The following KLHL8 variants were observed in gnomAD, a reference collection of about 807,000 sequenced individuals.
KLHL8 encodes the protein kelch-like protein 8.
KLHL8 carries 38 observed loss-of-function variants against 63.5 expected under a neutral mutation model. The observed-to-expected ratio is 0.60, with a 90% CI of 0.46 to 0.78. KLHL8 has a LOEUF of 0.78. Ranked by LOEUF, KLHL8 falls within the 30% of genes least tolerant of loss-of-function variation. The pLI is 0.00. For synonymous variants in KLHL8, 224 were observed against 254.3 expected, an observed-to-expected ratio of 0.88 and a Z score of 1.13; for missense variants, 566 against 752.4, an observed-to-expected ratio of 0.75 and a Z score of 2.90.
Position 87,195,581 on chromosome 4 carries a change from G to A in KLHL8, c.-42C>T. 1.3e-6 allele frequency: 2 copies of A among 1,524,560 alleles called. No individual in the cohort carries two copies. Among genetic ancestry groups the A allele is most frequent in the Non-Finnish European group, 1.8e-6 (2 of 1,107,178 alleles). The allele number at this position is 1,524,560 out of a possible 1,614,324, so 94.4% of individuals were successfully genotyped here. On this transcript the variant is annotated 5_prime_UTR_variant, in exon 2 of 10. Coordinates refer to ENST00000273963, the MANE Select transcript of KLHL8 (RefSeq NM_020803.5). ...TTAATAGAGCTCTCTTCTCAAACATGCCATTTATTTTTTTTCAAAGGGTAG... is the reference window on the plus strand; with the variant it reads ...TTAATAGAGCTCTCTTCTCAAACATACCATTTATTTTTTTTCAAAGGGTAG...
At chr4:87,236,726 A>T (rs143206487) in intron 1 of KLHL8, among the ~76,000 whole-genome samples, 2,429 of 141,712 alleles carry the variant, frequency 0.017, 71 homozygotes, top group African/African-American at 0.063. Flanking sequence ...GTGCAGTGAC[A>T]CAATCTCAGC....
chr4:87,204,153 G>A (rs935141469), intron 1 of KLHL8, among the ~76,000 whole-genome samples: 1 of 152,238 alleles, frequency 6.6e-6, no homozygotes, highest in Non-Finnish European at 1.5e-5. Context: ...CGAAGCTGTA[G>A]TGCACTATCA....
chr4:87,197,591 C>G (rs906050640), intron 1 of KLHL8, among the ~76,000 whole-genome samples: 1 of 152,122 alleles, frequency 6.6e-6, no homozygotes, highest in Non-Finnish European at 1.5e-5. Flanking sequence ...TCCTGATGCA[C>G]GGAAACTGTG....
rs1730229316 is a variant in KLHL8 at position 87,162,940 on chromosome 4, C to G, written c.*579G>C. The G allele has an allele frequency of 6.6e-6, 1 of 151,924 alleles. No individual in the cohort carries two copies. The allele number at this position is 151,924 out of a possible 1,614,324, so 9.4% of individuals were successfully genotyped here. ...AGCCTATAAGCTTCTGAAAATGCAG[C>G]TAAGTGGCATTCAAAAAGACAGAAC... On this transcript the variant is annotated 3_prime_UTR_variant, in exon 10 of 10. Transcript: ENST00000273963.
At chr4:87,236,063 C>G (rs1462505612) in intron 1 of KLHL8, among the ~76,000 whole-genome samples, 1 of 151,628 alleles carries the variant, frequency 6.6e-6, no homozygotes, top group African/African-American at 2.4e-5. Context: ...TGAAATGGCT[C>G]TTTCTTAAAG....
At chr4:87,209,318 T>C (rs774189903) in intron 1 of KLHL8, among the ~76,000 whole-genome samples, 4 of 152,148 alleles carry the variant, frequency 2.6e-5, no homozygotes, top group African/African-American at 9.7e-5. Context: ...TGGCACATCA[T>C]TGTCATAACA....
intron 2 of KLHL8, among the ~76,000 whole-genome samples, chr4:87,192,084 G>A (rs1731516945): frequency 6.6e-6 from 1 of 152,144 alleles, no homozygotes; most frequent in Non-Finnish European, 1.5e-5. Flanking sequence ...GCGGGTATAT[G>A]TGTCTTTTTG....
chr4:87,226,939 A>AAT (rs1257403846), intron 1 of KLHL8, among the ~76,000 whole-genome samples: 10 of 46,932 alleles, frequency 2.1e-4, no homozygotes, highest in Non-Finnish European at 3.2e-4. Context: ...ATATATAAAT[A>AAT]ATATATATTA....
At chr4:87,219,318 G>A (rs987828375) in intron 1 of KLHL8, among the ~76,000 whole-genome samples, 3 of 152,262 alleles carry the variant, frequency 2.0e-5, no homozygotes, top group East Asian at 3.9e-4. Flanking sequence ...TGCGCGAAGA[G>A]GATTTCCTTC....
In KLHL8 at chr4:87,226,839, TATATATATTATATATAAATA is replaced by T. The variant is rs1331144895; in HGVS notation, n.58-5469_58-5450del. Among the ~76,000 whole-genome samples, 47 of 6,146 alleles carry T rather than the reference TATATATATTATATATAAATA, an allele frequency of 7.6e-3. 1 individual carries two copies. The highest frequency in any genetic ancestry group is 0.025 in the African/African-American group (34 of 1,352). 4.0% of individuals were successfully genotyped at this position (6,146 alleles called of 152,430 possible). A position where few individuals can be genotyped will look rare whatever the true frequency, so the allele number is the denominator to read the frequency against. On this transcript the variant is annotated intron_variant and non_coding_transcript_variant, in intron 1 of 1. Coordinates refer to the KLHL8 transcript ENST00000506274. ...TATAATATATATTATTTATAAATAA[TATATATATTATATATAAATA>T]ATATATATTATATATAAATAATATA... is the stretch of plus-strand genomic sequence containing the variant.
intron 4 of KLHL8, among the ~76,000 whole-genome samples, chr4:87,182,964 G>A (rs936306640): frequency 1.3e-5 from 2 of 152,130 alleles, no homozygotes; most frequent in Non-Finnish European, 2.9e-5. Context: ...CAAAAGAAGA[G>A]ATATTTCAGT....
intron 1 of KLHL8, among the ~76,000 whole-genome samples, chr4:87,205,148 T>C (rs1031659896): frequency 1.3e-5 from 2 of 152,224 alleles, no homozygotes; most frequent in African/African-American, 2.4e-5. Flanking sequence ...GGCACATGCC[T>C]GTAATCTCAG....
chr4:87,172,929 A>C (rs1730688191), intron 6 of KLHL8, among the ~76,000 whole-genome samples: 1 of 152,224 alleles, frequency 6.6e-6, no homozygotes, highest in Admixed American at 6.5e-5. Context: ...TATATTTACT[A>C]TACATGCATA....
At chr4:87,215,970 T>C (rs1296240082) in intron 1 of KLHL8, among the ~76,000 whole-genome samples, 1 of 152,242 alleles carries the variant, frequency 6.6e-6, no homozygotes. Flanking sequence ...CATCATCTAG[T>C]TTGAAAGATT....
At chr4:87,169,989 A>G in intron 8 of KLHL8, 90 bp downstream of exon 8, 1 of 1,014,562 alleles carries the variant, frequency 9.9e-7, no homozygotes, top group Non-Finnish European at 1.5e-6. Flanking sequence ...ATTCTACTTA[A>G]GGCTAAATGC....
At chr4:87,240,503 T>C (rs867692222), upstream of KLHL8, among the ~76,000 whole-genome samples, 1 of 152,172 alleles carries the variant, frequency 6.6e-6, no homozygotes, top group African/African-American at 2.4e-5. Flanking sequence ...TATCTTTTTG[T>C]TTACTCTGCT....
chr4:87,178,596 C>CG lies in KLHL8; in HGVS notation c.976dup (p.Arg326ProfsTer6), dbSNP rs1560695768. 3 of 1,602,572 alleles carry CG rather than the reference C, an allele frequency of 1.9e-6. No homozygotes were observed. The highest frequency in any genetic ancestry group is 2.5e-6 in the Non-Finnish European group (3 of 1,176,902). The stretch of plus-strand genomic sequence containing the variant: ...GCGAAAGGGGTCACCAGATCCACCT[C>CG]GACCACCTACACAAAACAGCACACC... On this transcript the variant is annotated frameshift_variant, in exon 5 of 10. Coordinates refer to ENST00000273963, the MANE Select transcript of KLHL8 (RefSeq NM_020803.5). LOFTEE classifies it high-confidence loss of function.
intron 3 of KLHL8, 112 bp from the exon 4 acceptor site, chr4:87,183,501 C>G: frequency 1.3e-6 from 1 of 764,650 alleles, no homozygotes; most frequent in Non-Finnish European, 2.1e-6. Context: ...TTCTCCACTT[C>G]TACTGCAGCA....
intron 1 of KLHL8, among the ~76,000 whole-genome samples, chr4:87,234,503 A>G (rs1733194231): frequency 6.6e-6 from 1 of 151,958 alleles, no homozygotes; most frequent in Admixed American, 6.6e-5. Context: ...CATAGCCATG[A>G]TAATGTCCTG....
Sources: allele counts gnomAD v4.1 joint callset (sites outside exome capture counted in the v4.1 genomes callset), GRCh38; gene constraint gnomAD v4.1.1; transcripts MANE v1.5; gene names NCBI Gene and HGNC (gene_info 2026-07-23, HGNC 2026-07-21).